NUS1: variants seen among roughly 807,000 people sequenced by gnomAD.
The protein encoded by NUS1 is dehydrodolichyl diphosphate synthase complex subunit NUS1.
For synonymous variants in NUS1, 135 were observed against 155.2 expected (o/e 0.87, Z 0.97); for missense variants, 292 against 382.9 (o/e 0.76, Z 1.98).
chr6:117,682,120 C>A (rs1345534569), intron 1 of NUS1, among the ~76,000 whole-genome samples: 1 of 152,188 alleles, frequency 6.6e-6, no homozygotes, highest in Non-Finnish European at 1.5e-5. Context: ...GTGTGAGCCA[C>A]CGTGCCCAGC....
In NUS1 at chr6:117,675,477, G is replaced by GGGGGC. The variant is rs1206547945; in HGVS notation, c.-188_-184dup. 5 of 607,002 alleles carry GGGGGC rather than the reference G, an allele frequency of 8.2e-6. No homozygotes were observed. The highest frequency in any genetic ancestry group is 1.5e-5 in the Non-Finnish European group (5 of 344,404). 37.6% of individuals were successfully genotyped at this position (607,002 alleles called of 1,614,324 possible). On this transcript the variant is annotated 5_prime_UTR_variant, in exon 1 of 5. Transcript: ENST00000368494. ...CAATCGGAACTGTCCATGTACTACTGGGGGCGGGGCTGCCAAGGGAGGAGG... is the reference window on the plus strand; with the variant it reads ...CAATCGGAACTGTCCATGTACTACTGGGGGCGGGGCGGGGCTGCCAAGGGAGGAGG...
intron 3 of NUS1, among the ~76,000 whole-genome samples, chr6:117,695,430 G>A (rs1270288720): frequency 6.6e-6 from 1 of 151,858 alleles, no homozygotes; most frequent in Non-Finnish European, 1.5e-5. Context: ...ACCATTATGG[G>A]GCCTCTCTGC....
Position 117,706,030 on chromosome 6 carries a change from G to C in NUS1, c.792-895G>C, listed in dbSNP as rs1773495155. The stretch of plus-strand genomic sequence containing the variant: ...TTTTTTTGTGGTGCATGTGACTGTA[G>C]GACTCTGACTGTGACTCTTCTATTC... On this transcript the variant is annotated intron_variant, in intron 4 of 4. Coordinates refer to ENST00000368494, the MANE Select transcript of NUS1 (RefSeq NM_138459.5). 5.3e-5 allele frequency among the ~76,000 whole-genome samples: 8 copies of C among 152,072 alleles called. No homozygotes were observed. The South Asian group carries it at 1.5e-3, about 28-fold the overall frequency.
chr6:117,703,488 G>T lies in NUS1; in HGVS notation c.692-117G>T, dbSNP rs558750114. The T allele has an allele frequency of 5.4e-6, 4 of 741,334 alleles. No homozygotes were observed. The East Asian group carries it at 1.0e-4, about 19-fold the overall frequency. The allele number at this position is 741,334 out of a possible 1,614,324, so 45.9% of individuals were successfully genotyped here. On this transcript the variant is annotated intron_variant, in intron 3 of 4. Coordinates refer to ENST00000368494, the MANE Select transcript of NUS1 (RefSeq NM_138459.5). ...ACAGATAAAACTTCTGAAGAAAACA[G>T]GTAGTTTAAAGAACCAATTTGATTA...
At chr6:117,703,755 T>C (rs1348203598) in intron 4 of NUS1, 51 bp downstream of exon 4, 1 of 1,246,998 alleles carries the variant, frequency 8.0e-7, no homozygotes, top group Non-Finnish European at 1.2e-6. Flanking sequence ...AAGTGTTTCT[T>C]GAGTTCAGCA....
chr6:117,705,762 G>A (rs1345663139), intron 4 of NUS1, among the ~76,000 whole-genome samples: 1 of 152,096 alleles, frequency 6.6e-6, no homozygotes, highest in Non-Finnish European at 1.5e-5. Flanking sequence ...AAGACTTAGG[G>A]AAGTTGAGAG....
Position 117,703,518 on chromosome 6 carries a change from A to C in NUS1, c.692-87A>C, listed in dbSNP as rs1773458453. 68 of 960,254 alleles carry C rather than the reference A, an allele frequency of 7.1e-5. No individual in the cohort carries two copies. In the South Asian group the frequency reaches 8.8e-4, roughly 12 times the overall value. The allele number at this position is 960,254 out of a possible 1,614,324, so 59.5% of individuals were successfully genotyped here. On this transcript the variant is annotated intron_variant, in intron 3 of 4. Coordinates refer to ENST00000368494, the MANE Select transcript of NUS1 (RefSeq NM_138459.5). ...TTTAAAGAACCAATTTGATTAATAC[A>C]TTTTGCCCATGATCTGTGTGTTTCT...
At position 117,695,919 on chromosome 6, in the gene NUS1, A is replaced by C. The variant is rs143373666; in HGVS notation, c.691+1739A>C. 2.7e-3 allele frequency among the ~76,000 whole-genome samples: 407 copies of C among 152,162 alleles called. 3 individuals carry two copies. Among genetic ancestry groups the C allele is most frequent in the African/African-American group, 9.0e-3 (372 of 41,518 alleles). On this transcript the variant is annotated intron_variant, in intron 3 of 4. Coordinates refer to ENST00000368494, the MANE Select transcript of NUS1 (RefSeq NM_138459.5). ...TTTTTATTGGTGAGTAGTATTTTCT[A>C]GATATACCACGTTTTGCTTATGCAT... is the stretch of plus-strand genomic sequence containing the variant.
At chr6:117,676,182 C>G in intron 1 of NUS1, 97 bp downstream of exon 1, 1 of 1,527,372 alleles carries the variant, frequency 6.5e-7, no homozygotes, top group African/African-American at 1.4e-5. Context: ...TTGCCGCGGC[C>G]TCTCTGCAAA....
chr6:117,695,700 T>C (rs1177549200), intron 3 of NUS1, among the ~76,000 whole-genome samples: 2 of 152,184 alleles, frequency 1.3e-5, no homozygotes, highest in Non-Finnish European at 2.9e-5. Flanking sequence ...CAAAAGTTCC[T>C]TTGTGACTGC....
chr6:117,709,063 A>G lies in NUS1; in HGVS notation c.*2048A>G, dbSNP rs1388243314. 3 of 152,118 alleles carry G rather than the reference A, an allele frequency of 2.0e-5. No homozygotes were observed. The highest frequency in any genetic ancestry group is 4.4e-5 in the Non-Finnish European group (3 of 67,990). The allele number at this position is 152,118 out of a possible 1,614,324, so 9.4% of individuals were successfully genotyped here. ...TTGAAGTTCTAGGAAGAGGCAAACTACAAACTACTAGGATTCTGATTTCAG... is the reference window on the plus strand; with the variant it reads ...TTGAAGTTCTAGGAAGAGGCAAACTGCAAACTACTAGGATTCTGATTTCAG... On this transcript the variant is annotated 3_prime_UTR_variant, in exon 5 of 5. Transcript: ENST00000368494.
At chr6:117,682,700 A>G (rs1458987503) in intron 1 of NUS1, among the ~76,000 whole-genome samples, 4 of 152,252 alleles carry the variant, frequency 2.6e-5, no homozygotes, top group African/African-American at 9.6e-5. Flanking sequence ...AGTCATTAGC[A>G]GTTTTACAGA....
intron 3 of NUS1, among the ~76,000 whole-genome samples, chr6:117,697,526 A>G (rs13211800): frequency 2.0e-3 from 311 of 152,232 alleles, no homozygotes; most frequent in Admixed American, 4.9e-3. Flanking sequence ...CAGACAAAAG[A>G]TATTTCAAGA....
intron 3 of NUS1, among the ~76,000 whole-genome samples, chr6:117,703,187 G>A (rs1412123354): frequency 2.0e-5 from 3 of 152,210 alleles, no homozygotes; most frequent in South Asian, 2.1e-4. Flanking sequence ...TTTCCTTTTC[G>A]TCTCTGAAGT....
At chr6:117,686,474 T>C (rs2114682073) in intron 1 of NUS1, among the ~76,000 whole-genome samples, 1 of 152,310 alleles carries the variant, frequency 6.6e-6, no homozygotes, top group South Asian at 2.1e-4. Flanking sequence ...TCTTAGATGC[T>C]TGGCCAAAGA....
rs149987685 is a variant in NUS1 at position 117,697,191 on chromosome 6, A to T, written c.691+3011A>T. ...ACAAAAAAATAAAAAGCAAGAAATT[A>T]AGTCATACCACCAGAGAAAATCACC... On this transcript the variant is annotated intron_variant, in intron 3 of 4. Transcript: ENST00000368494. Among the ~76,000 whole-genome samples, 17 of 152,224 alleles carry T rather than the reference A, an allele frequency of 1.1e-4. No individual in the cohort carries two copies. In the East Asian group the frequency reaches 3.3e-3, roughly 29 times the overall value.
chr6:117,675,566 G>C lies in NUS1; in HGVS notation c.-105G>C. ...AAAGGGGTTCGGGCTCGGGGGGCGG[G>C]GGGACGCGGAGCGATGGCCCGCGCC... On this transcript the variant is annotated 5_prime_UTR_variant, in exon 1 of 5. Coordinates refer to ENST00000368494, the MANE Select transcript of NUS1 (RefSeq NM_138459.5). The C allele has an allele frequency of 8.3e-7, 1 of 1,201,598 alleles. No individual in the cohort carries two copies. The allele number at this position is 1,201,598 out of a possible 1,614,324, so 74.4% of individuals were successfully genotyped here.
chr6:117,693,882 T>C, intron 2 of NUS1, 149 bp from the exon 3 acceptor site: 1 of 693,780 alleles, frequency 1.4e-6, no homozygotes, highest in South Asian at 2.3e-5. Context: ...AAGTATGTTT[T>C]GATATTGAAA....
intron 1 of NUS1, among the ~76,000 whole-genome samples, chr6:117,677,837 C>T (rs1773006345): frequency 6.6e-6 from 1 of 152,148 alleles, no homozygotes; most frequent in African/African-American, 2.4e-5. Context: ...ATGCCTAAAC[C>T]AATGCAACCA....
Sources: gnomAD v4.1 joint callset for allele counts (sites outside exome capture counted in the v4.1 genomes callset) on GRCh38, gnomAD v4.1.1 for gene constraint, MANE v1.5 for transcripts, NCBI Gene and HGNC (gene_info 2026-07-23, HGNC 2026-07-21) for gene names.